The following FAM193A variants were observed in gnomAD, a reference collection of about 807,000 sequenced individuals.
FAM193A encodes family with sequence similarity 193 member A.
Under a neutral mutation model 126.5 loss-of-function variants are expected in FAM193A, and 22 were observed. The observed-to-expected ratio is 0.17, with a 90% CI of 0.12 to 0.25. FAM193A has a LOEUF of 0.25. FAM193A is among the 10% of genes least tolerant of loss of function. FAM193A has a pLI of 1.00. For synonymous variants in FAM193A, 761 were observed against 646.8 expected, an observed-to-expected ratio of 1.18 and a Z score of -2.68; for missense variants, 1,675 against 1,672.8, an observed-to-expected ratio of 1.00 and a Z score of -0.02.
At chr4:2,535,733 G>A (rs1736840342), upstream of FAM193A, among the ~76,000 whole-genome samples, 1 of 152,242 alleles carries the variant, frequency 6.6e-6, no homozygotes, top group South Asian at 2.1e-4. Context: ...GAGTGCGAGG[G>A]TGTGGGACAC....
intron 1 of FAM193A, among the ~76,000 whole-genome samples, chr4:2,561,007 G>C (rs1738578449): frequency 6.6e-6 from 1 of 152,096 alleles, no homozygotes; most frequent in Admixed American, 6.6e-5. Context: ...AACTTTCTTT[G>C]CCTTCCTGTG....
chr4:2,640,134 C>T (rs1744469728), intron 6 of FAM193A, among the ~76,000 whole-genome samples: 2 of 152,200 alleles, frequency 1.3e-5, no homozygotes, highest in Non-Finnish European at 2.9e-5. Flanking sequence ...TTTTCCTTGA[C>T]AAGACCTATC....
chr4:2,554,519 C>G (rs1738141937), intron 1 of FAM193A, among the ~76,000 whole-genome samples: 1 of 152,032 alleles, frequency 6.6e-6, no homozygotes, highest in Non-Finnish European at 1.5e-5. Flanking sequence ...TACATATGAA[C>G]TTAAAAATGT....
intron 1 of FAM193A, among the ~76,000 whole-genome samples, chr4:2,567,919 A>G (rs1739063654): frequency 6.6e-6 from 1 of 152,174 alleles, no homozygotes; most frequent in Non-Finnish European, 1.5e-5. Context: ...GTGCCTCTGC[A>G]GGGGTGTGGC....
intron 1 of FAM193A, among the ~76,000 whole-genome samples, chr4:2,579,956 G>A (rs1208911483): frequency 6.6e-6 from 1 of 152,110 alleles, no homozygotes; most frequent in African/African-American, 2.4e-5. Flanking sequence ...ATAAATTGTT[G>A]TGTTACAAAG....
At chr4:2,541,827 T>C (rs939464235) in intron 1 of FAM193A, among the ~76,000 whole-genome samples, 7 of 151,958 alleles carry the variant, frequency 4.6e-5, no homozygotes, top group African/African-American at 1.7e-4. Flanking sequence ...CACCATCTTT[T>C]ATGGTATTTT....
chr4:2,545,925 G>A (rs939321202), intron 1 of FAM193A, among the ~76,000 whole-genome samples: 1 of 152,052 alleles, frequency 6.6e-6, no homozygotes, highest in African/African-American at 2.4e-5. Context: ...TGAGGCGGGC[G>A]GATTATGAGG....
chr4:2,598,995 C>G (rs1741036507), intron 2 of FAM193A, among the ~76,000 whole-genome samples: 1 of 152,228 alleles, frequency 6.6e-6, no homozygotes, highest in Non-Finnish European at 1.5e-5. Flanking sequence ...AGGGGTCTGA[C>G]CGGCCCCGTG....
intron 20 of FAM193A, among the ~76,000 whole-genome samples, chr4:2,729,935 C>A (rs893234581): frequency 6.6e-6 from 1 of 151,792 alleles, no homozygotes; most frequent in Admixed American, 6.6e-5. Flanking sequence ...AGACGGGTCT[C>A]ACCTTTGTCA....
At chr4:2,616,465 T>C (rs547063077) in intron 2 of FAM193A, among the ~76,000 whole-genome samples, 2 of 152,326 alleles carry the variant, frequency 1.3e-5, no homozygotes, top group East Asian at 3.9e-4. Context: ...TTCCATTTAA[T>C]GTAATTAGTG....
chr4:2,732,209 C>T lies in FAM193A; in HGVS notation c.*341C>T, dbSNP rs1443197972. The T allele has an allele frequency of 2.9e-6, 1 of 350,516 alleles. No individual in the cohort carries two copies. Among genetic ancestry groups the T allele is most frequent in the Non-Finnish European group, 5.5e-6 (1 of 181,850 alleles). The allele number at this position is 350,516 out of a possible 1,614,324, so 21.7% of individuals were successfully genotyped here. On this transcript the variant is annotated 3_prime_UTR_variant, in exon 21 of 21. Transcript: ENST00000637812. ...GGCTCCGTTGCCTCTGCATTGCGCC[C>T]TGTCCTGTCATGTGTCCTCACCGGG... is the stretch of plus-strand genomic sequence containing the variant.
intron 6 of FAM193A, among the ~76,000 whole-genome samples, chr4:2,644,324 CAG>C (rs1744924811): frequency 6.6e-6 from 1 of 152,028 alleles, no homozygotes; most frequent in Non-Finnish European, 1.5e-5. Context: ...GAACACATGA[CAG>C]GGTATAATGC....
At chr4:2,578,242 A>C (rs1019598720) in intron 1 of FAM193A, among the ~76,000 whole-genome samples, 1 of 151,342 alleles carries the variant, frequency 6.6e-6, no homozygotes, top group East Asian at 1.9e-4. Flanking sequence ...CTAATAAAGT[A>C]CTCTGTTACT....
chr4:2,652,046 T>C (rs1191704988), intron 7 of FAM193A, among the ~76,000 whole-genome samples: 1 of 152,168 alleles, frequency 6.6e-6, no homozygotes, highest in Non-Finnish European at 1.5e-5. Flanking sequence ...TGAGGTCTCA[T>C]CTCAGATTTC....
rs1451159634 is a variant in FAM193A, at chr4:2,536,702, C to T, written c.-214C>T. ...ACTCTAACTCTGGTCAGCCGCGGCG[C>T]CGGGACTGTGGACTCGCGGTTCCTC... On this transcript the variant is annotated 5_prime_UTR_variant, in exon 1 of 21. Coordinates refer to ENST00000637812, the MANE Select transcript of FAM193A (RefSeq NM_001366318.2). 2 of 151,538 alleles carry T rather than the reference C, an allele frequency of 1.3e-5. No homozygotes were observed. Among genetic ancestry groups the T allele is most frequent in the South Asian group, 3.9e-4 (2 of 5,138 alleles). The allele number at this position is 151,538 out of a possible 1,614,324, so 9.4% of individuals were successfully genotyped here.
chr4:2,547,908 A>G (rs531240217), intron 1 of FAM193A, among the ~76,000 whole-genome samples: 18 of 152,068 alleles, frequency 1.2e-4, no homozygotes, highest in Admixed American at 4.6e-4. Flanking sequence ...TGCAGGCGTG[A>G]GCCACTGAGC....
intron 1 of FAM193A, among the ~76,000 whole-genome samples, chr4:2,588,303 A>G (rs1740348221): frequency 6.6e-6 from 1 of 152,222 alleles, no homozygotes; most frequent in Non-Finnish European, 1.5e-5. Context: ...TCTTTACCTT[A>G]AGTCGTCTCC....
intron 16 of FAM193A, among the ~76,000 whole-genome samples, 192 bp from the exon 17 acceptor site, chr4:2,694,754 C>T (rs1027540975): frequency 2.6e-5 from 4 of 152,148 alleles, no homozygotes; most frequent in African/African-American, 9.7e-5. Context: ...TGCATGCATG[C>T]GCACACGCCA....
At chr4:2,703,241 GTTTTTTGT>G (rs1033092770) in intron 19 of FAM193A, among the ~76,000 whole-genome samples, 3 of 151,950 alleles carry the variant, frequency 2.0e-5, no homozygotes, top group African/African-American at 7.2e-5. Context: ...TAATGCTTTG[GTTTTTTGT>G]TTTTGTTTCT....
Sources: gnomAD v4.1 joint callset for allele counts (sites outside exome capture counted in the v4.1 genomes callset) on GRCh38, gnomAD v4.1.1 for gene constraint, MANE v1.5 for transcripts, NCBI Gene and HGNC (gene_info 2026-07-23, HGNC 2026-07-21) for gene names.